Variants in ADAM23 observed in about 807,000 individuals in gnomAD.
The protein encoded by ADAM23 is disintegrin and metalloproteinase domain-containing protein 23.
A neutral mutation model predicts 120.1 loss-of-function variants in ADAM23; 33 were observed. The observed-to-expected ratio is 0.27, with a 90% CI of 0.21 to 0.37. The LOEUF (loss-of-function observed/expected upper bound fraction) is 0.37. Ranked by LOEUF, ADAM23 falls within the 10% of genes least tolerant of loss-of-function variation. The pLI is 1.00. For synonymous variants in ADAM23, 367 were observed against 375.2 expected (o/e 0.98, Z 0.25); for missense variants, 862 against 1,058.2 (o/e 0.81, Z 2.57).
At chr2:206,575,627 A>G (rs1418663483) in intron 18 of ADAM23, among the ~76,000 whole-genome samples, 3 of 152,184 alleles carry the variant, frequency 2.0e-5, no homozygotes, top group Admixed American at 1.3e-4. Context: ...CACTTTTATT[A>G]TTGAAAATGG....
chr2:206,523,233 G>C (rs1043631215), intron 3 of ADAM23, among the ~76,000 whole-genome samples: 2 of 152,256 alleles, frequency 1.3e-5, no homozygotes, highest in South Asian at 4.1e-4. Context: ...TGAGATGCAG[G>C]AGTACCTACA....
At chr2:206,475,289 A>G (rs752399779) in intron 2 of ADAM23, among the ~76,000 whole-genome samples, 9 of 152,200 alleles carry the variant, frequency 5.9e-5, no homozygotes, top group African/African-American at 7.2e-5. Context: ...GATTAGAACA[A>G]AATTACAATT....
intron 6 of ADAM23, among the ~76,000 whole-genome samples, 189 bp from the exon 7 acceptor site, chr2:206,547,240 G>T (rs1697417039): frequency 6.6e-6 from 1 of 152,102 alleles, no homozygotes; most frequent in Non-Finnish European, 1.5e-5. Flanking sequence ...CTAAACTGGG[G>T]CAATTAGATG....
chr2:206,592,951 G>A (rs1241974511), intron 22 of ADAM23, among the ~76,000 whole-genome samples: 1 of 152,132 alleles, frequency 6.6e-6, no homozygotes, highest in African/African-American at 2.4e-5. Context: ...AATTATACTA[G>A]TTAGTAGTAA....
intron 24 of ADAM23, among the ~76,000 whole-genome samples, chr2:206,597,867 G>A (rs1164445205): frequency 6.6e-6 from 1 of 152,206 alleles, no homozygotes; most frequent in Non-Finnish European, 1.5e-5. Flanking sequence ...ATGAAGCTCT[G>A]TAGTCCTCAA....
intron 24 of ADAM23, 109 bp from the exon 25 acceptor site, chr2:206,609,801 C>T (rs1225099747): frequency 8.6e-6 from 7 of 810,912 alleles, no homozygotes; most frequent in Non-Finnish European, 1.1e-5. Context: ...AATGTTTAGC[C>T]GTCTTTTACA....
chr2:206,451,334 G>T (rs899482616), intron 2 of ADAM23, among the ~76,000 whole-genome samples: 5 of 152,184 alleles, frequency 3.3e-5, no homozygotes, highest in Non-Finnish European at 7.3e-5. Flanking sequence ...CTGCCTCTCG[G>T]GTTCAAGCAG....
chr2:206,569,112 G>T (rs774992851), intron 15 of ADAM23, among the ~76,000 whole-genome samples: 3 of 152,176 alleles, frequency 2.0e-5, no homozygotes, highest in Non-Finnish European at 4.4e-5. Context: ...TTTTTGAATT[G>T]TAATGTACAT....
intron 3 of ADAM23, among the ~76,000 whole-genome samples, chr2:206,504,829 A>G (rs1013547455): frequency 3.9e-5 from 6 of 152,180 alleles, no homozygotes; most frequent in African/African-American, 1.4e-4. Flanking sequence ...CTTTACTAAT[A>G]GGGACAGTAT....
At chr2:206,531,769 G>C (rs1697067291) in intron 4 of ADAM23, among the ~76,000 whole-genome samples, 1 of 152,166 alleles carries the variant, frequency 6.6e-6, no homozygotes, top group African/African-American at 2.4e-5. Context: ...AACCTCACTG[G>C]ATTTTTGTTT....
At chr2:206,536,792 ATTTCC>A (rs1697186490) in intron 4 of ADAM23, among the ~76,000 whole-genome samples, 1 of 151,840 alleles carries the variant, frequency 6.6e-6, no homozygotes, top group African/African-American at 2.4e-5. Flanking sequence ...TGCAACCTCT[ATTTCC>A]TGGGTTCAAG....
At chr2:206,531,056 C>A in intron 4 of ADAM23, 108 bp downstream of exon 4, 1 of 769,520 alleles carries the variant, frequency 1.3e-6, no homozygotes, top group Admixed American at 3.1e-5. Flanking sequence ...ATCACCTGTG[C>A]TCTTTTACAA....
chr2:206,488,491 G>C (rs554974296), intron 3 of ADAM23, among the ~76,000 whole-genome samples: 1 of 152,278 alleles, frequency 6.6e-6, no homozygotes, highest in South Asian at 2.1e-4. Context: ...GAAAGGGTGA[G>C]TTCTCAAGCT....
chr2:206,595,012 C>T, intron 23 of ADAM23, 107 bp downstream of exon 23: 3 of 1,442,988 alleles, frequency 2.1e-6, no homozygotes, highest in Non-Finnish European at 2.8e-6. Context: ...GAAACACCAT[C>T]TCTACTAAAA....
At chr2:206,540,212 A>G (rs1325936011) in intron 4 of ADAM23, among the ~76,000 whole-genome samples, 2 of 120,630 alleles carry the variant, frequency 1.7e-5, no homozygotes, top group African/African-American at 7.1e-5. Context: ...GCAGCCCTTC[A>G]CTGTACACAC....
intron 2 of ADAM23, among the ~76,000 whole-genome samples, chr2:206,458,201 C>A (rs1217738421): frequency 6.6e-6 from 1 of 152,248 alleles, no homozygotes; most frequent in Admixed American, 6.5e-5. Context: ...TACTTAGCCC[C>A]TCTAAGCCCC....
chr2:206,524,057 G>A (rs1696898084), intron 3 of ADAM23, among the ~76,000 whole-genome samples: 1 of 152,106 alleles, frequency 6.6e-6, no homozygotes, highest in African/African-American at 2.4e-5. Flanking sequence ...GCTCATTTAG[G>A]TGTGATTAGG....
At chr2:206,474,352 A>T (rs1285459589) in intron 2 of ADAM23, among the ~76,000 whole-genome samples, 1 of 152,194 alleles carries the variant, frequency 6.6e-6, no homozygotes. Context: ...CATAATGGTA[A>T]TTAGCAATAA....
At position 206,550,119 on chromosome 2, in the gene ADAM23, A is replaced by T. The variant is rs1697482838; in HGVS notation, c.892A>T (p.Met298Leu). Reference sequence around the variant, plus strand: ...GCCATCACGTGGTATATTTGAAGAAATGAAATATTTGGAACTTATGATTGT... The same window carrying T: ...GCCATCACGTGGTATATTTGAAGAATTGAAATATTTGGAACTTATGATTGT... ...VNPSRGIFEE[M>L]KYLELMIVND... Residue 298 changes from methionine to leucine, a missense_variant, in exon 9 of 26, where the codon ATG (methionine) becomes TTG (leucine). This residue lies in a region of ADAM23 where 617 missense variants were observed against 813.5 expected (regional missense o/e 0.76). Transcript: ENST00000264377. 6.3e-7 allele frequency: 1 copy of T among 1,585,132 alleles called. No individual in the cohort carries two copies. The highest frequency in any genetic ancestry group is 8.6e-7 in the Non-Finnish European group (1 of 1,157,452).
Sources: gnomAD v4.1 joint callset for allele counts (sites outside exome capture counted in the v4.1 genomes callset) on GRCh38, gnomAD v4.1.1 for gene constraint, gnomAD v4.1.1 regional missense constraint, MANE v1.5 for transcripts, NCBI Gene and HGNC (gene_info 2026-07-23, HGNC 2026-07-21) for gene names.